The following ELP4 variants were observed in gnomAD, a reference collection of about 807,000 sequenced individuals.
The protein encoded by ELP4 is elongator complex protein 4.
A neutral mutation model predicts 48.9 loss-of-function variants in ELP4; 51 were observed. The ratio of observed to expected loss-of-function variants is 1.04; its 90% CI spans 0.83 to 1.32. The LOEUF is 1.32. ELP4 is among the 40% of genes most tolerant of loss of function. ELP4 has a pLI of 0.00. For synonymous variants in ELP4, 210 were observed against 189.2 expected (o/e 1.11, Z -0.90); for missense variants, 519 against 514.6 (o/e 1.01, Z -0.08).
At chr11:31,766,853 A>T (rs1948052329) in intron 9 of ELP4, among the ~76,000 whole-genome samples, 1 of 152,124 alleles carries the variant, frequency 6.6e-6, no homozygotes, top group Non-Finnish European at 1.5e-5. Flanking sequence ...TTTTAGAGCA[A>T]CTAATATCCC....
Position 31,790,120 on chromosome 11 carries a change from A to AAAAC in ELP4, c.*6596_*6597insAAAC, listed in dbSNP as rs1565184003. 40 of 760,108 alleles carry AAAAC rather than the reference A, an allele frequency of 5.3e-5. No homozygotes were observed. The highest frequency in any genetic ancestry group is 8.4e-5 in the South Asian group (5 of 59,386). The allele number at this position is 760,108 out of a possible 1,614,324, so 47.1% of individuals were successfully genotyped here. On this transcript the variant is annotated 3_prime_UTR_variant, in exon 10 of 10. Transcript: ENST00000640961. Reference sequence around the variant, plus strand: ...TACAAAAAAAAAAAAAAAAAAAAAAACTAATACTTTCTAACATTTTTTACT... The same window carrying AAAAC: ...TACAAAAAAAAAAAAAAAAAAAAAAAAAACCTAATACTTTCTAACATTTTTTACT...
intron 9 of ELP4, among the ~76,000 whole-genome samples, chr11:31,713,298 T>C (rs1166227464): frequency 3.3e-5 from 5 of 152,232 alleles, no homozygotes; most frequent in Non-Finnish European, 5.9e-5. Context: ...CTTTATGGTA[T>C]AATCTAGCAA....
intron 1 of ELP4, chr11:31,511,301 TGG>T (rs1003921561): frequency 1.3e-5 from 2 of 152,250 alleles, no homozygotes; most frequent in African/African-American, 4.8e-5. Context: ...ACTTTAAGTT[TGG>T]TAGCTATTTC....
At chr11:31,555,211 T>C (rs1317928669) in intron 3 of ELP4, among the ~76,000 whole-genome samples, 2 of 152,048 alleles carry the variant, frequency 1.3e-5, no homozygotes, top group Non-Finnish European at 2.9e-5. Context: ...ATTTGTAGGG[T>C]CGGTTGATAT....
At chr11:31,738,962 A>G (rs1274547650) in intron 9 of ELP4, among the ~76,000 whole-genome samples, 1 of 152,220 alleles carries the variant, frequency 6.6e-6, no homozygotes, top group Non-Finnish European at 1.5e-5. Context: ...ATAAAGTTTC[A>G]GTCATGCAAT....
chr11:31,597,440 A>C (rs946644560), intron 4 of ELP4, among the ~76,000 whole-genome samples: 2 of 152,324 alleles, frequency 1.3e-5, no homozygotes, highest in Middle Eastern at 3.4e-3. Context: ...AGTGATAGAA[A>C]TCAAAACAGA....
rs1416459040 is a variant in ELP4 at position 31,789,847 on chromosome 11, T to C, written c.*6323T>C. On this transcript the variant is annotated 3_prime_UTR_variant, in exon 10 of 10. Transcript: ENST00000640961. ...CGGCTCTAACAGCCATTTTTCTTTC[T>C]TTCCTGAAAGCTCAACTGTTGTGTC... 7.9e-7 allele frequency: 1 copy of C among 1,263,458 alleles called. No homozygotes were observed. Among genetic ancestry groups the C allele is most frequent in the Admixed American group, 1.9e-5 (1 of 51,418 alleles). 78.3% of individuals were successfully genotyped at this position (1,263,458 alleles called of 1,614,324 possible).
At position 31,723,834 on chromosome 11, in the gene ELP4, C is replaced by T. The variant is rs535469606; in HGVS notation, c.1144-59559C>T. ...ATATTTATAAACACTGTACAGTGTT[C>T]GAGGCTTTGTCTTAAAGCAAATTTC... On this transcript the variant is annotated intron_variant, in intron 9 of 9. Transcript: ENST00000640961. Among the ~76,000 whole-genome samples the T allele has an allele frequency of 7.4e-4, 113 of 152,184 alleles. 1 individual carries two copies. Among genetic ancestry groups the T allele is most frequent in the African/African-American group, 2.4e-3 (100 of 41,518 alleles).
chr11:31,725,178 A>G (rs1481260770), intron 9 of ELP4, among the ~76,000 whole-genome samples: 1 of 152,132 alleles, frequency 6.6e-6, no homozygotes, highest in Non-Finnish European at 1.5e-5. Context: ...CACGGGCTAG[A>G]TGTTTGAGTT....
intron 9 of ELP4, among the ~76,000 whole-genome samples, chr11:31,744,374 C>T (rs919721146): frequency 2.0e-5 from 3 of 152,190 alleles, no homozygotes; most frequent in African/African-American, 7.2e-5. Flanking sequence ...AAGAGAGAAT[C>T]CTCCCTAACT....
In ELP4 at chr11:31,789,410, C is replaced by A; in HGVS notation, c.*5886C>A. ...ACCTTTGGAAAACCAACAGATATTT[C>A]TGACATAAATCTAGTGCATGTTGTT... On this transcript the variant is annotated 3_prime_UTR_variant, in exon 10 of 10. Transcript: ENST00000640961. 1 of 360,912 alleles carries A rather than the reference C, an allele frequency of 2.8e-6. No individual in the cohort carries two copies. Among genetic ancestry groups the A allele is most frequent in the Non-Finnish European group, 4.9e-6 (1 of 202,538 alleles). 22.4% of individuals were successfully genotyped at this position (360,912 alleles called of 1,614,324 possible).
Position 31,594,751 on chromosome 11 carries a change from T to A in ELP4, c.382-19T>A, listed in dbSNP as rs771065685. On this transcript the variant is annotated intron_variant, in intron 3 of 9. Transcript: ENST00000640961. ...ATTTTACCACAGAATCTCAATTATG[T>A]GTCATTTTGTTTTCTTAGGAACTTC... The A allele has an allele frequency of 6.8e-7, 1 of 1,467,898 alleles. No individual in the cohort carries two copies. The highest frequency in any genetic ancestry group is 9.0e-7 in the Non-Finnish European group (1 of 1,111,628). 90.9% of individuals were successfully genotyped at this position (1,467,898 alleles called of 1,614,324 possible). A position where few individuals can be genotyped will look rare whatever the true frequency, so the allele number is the denominator to read the frequency against.
intron 3 of ELP4, among the ~76,000 whole-genome samples, chr11:31,575,763 C>T (rs1396238531): frequency 6.6e-6 from 1 of 152,188 alleles, no homozygotes; most frequent in Non-Finnish European, 1.5e-5. Context: ...TACCACCAGG[C>T]TTGCCTTACA....
chr11:31,608,483 T>C (rs1255928518), intron 5 of ELP4, among the ~76,000 whole-genome samples: 1 of 151,818 alleles, frequency 6.6e-6, no homozygotes, highest in Non-Finnish European at 1.5e-5. Flanking sequence ...TTGGGAAATT[T>C]AGAGGGGTCT....
chr11:31,606,914 T>A (rs1315284456), intron 5 of ELP4, among the ~76,000 whole-genome samples: 2 of 152,180 alleles, frequency 1.3e-5, no homozygotes, highest in African/African-American at 4.8e-5. Flanking sequence ...AGAATTCATA[T>A]GTTGAAGCCC....
intron 7 of ELP4, chr11:31,632,720 T>G (rs905950825): frequency 5.1e-6 from 1 of 194,308 alleles, no homozygotes; most frequent in African/African-American, 2.3e-5. Flanking sequence ...GTTTAATTTA[T>G]AAATTTTTTA....
At chr11:31,616,045 A>G (rs1219347147) in intron 5 of ELP4, among the ~76,000 whole-genome samples, 1 of 152,102 alleles carries the variant, frequency 6.6e-6, no homozygotes, top group Non-Finnish European at 1.5e-5. Context: ...CAGTTTGAAA[A>G]GAAGGAAATA....
chr11:31,678,010 T>C (rs970036653), intron 9 of ELP4, among the ~76,000 whole-genome samples: 2 of 152,170 alleles, frequency 1.3e-5, no homozygotes, highest in African/African-American at 4.8e-5. Flanking sequence ...TATTCATCTT[T>C]CTCTCCCCCT....
intron 9 of ELP4, among the ~76,000 whole-genome samples, chr11:31,713,819 G>A (rs560478047): frequency 6.6e-6 from 1 of 152,080 alleles, no homozygotes; most frequent in Non-Finnish European, 1.5e-5. Flanking sequence ...AAACCCCTGT[G>A]GACCTATCAA....
Sources: gnomAD v4.1 joint callset for allele counts (sites outside exome capture counted in the v4.1 genomes callset) on GRCh38, gnomAD v4.1.1 for gene constraint, MANE v1.5 for transcripts, NCBI Gene and HGNC (gene_info 2026-07-23, HGNC 2026-07-21) for gene names.